Variants in CTNNA3 observed in about 807,000 individuals in gnomAD.
CTNNA3 encodes the protein catenin alpha-3.
A neutral mutation model predicts 95.7 loss-of-function variants in CTNNA3; 76 were observed. The ratio of observed to expected loss-of-function variants is 0.79; its 90% confidence interval spans 0.66 to 0.96. CTNNA3 has a LOEUF of 0.96. Among genes scored for constraint, CTNNA3 ranks in the 40% least tolerant of loss-of-function variants. The pLI, the probability that CTNNA3 is intolerant of heterozygous loss-of-function variation, is 0.00. For missense variants in CTNNA3, 1,191 were observed against 1,089.8 expected, an observed-to-expected ratio of 1.09 and a Z score of -1.31; for synonymous variants, 431 against 374.4, an observed-to-expected ratio of 1.15 and a Z score of -1.74.
intron 13 of CTNNA3, among the ~76,000 whole-genome samples, chr10:66,104,404 A>T (rs976544290): frequency 1.3e-5 from 2 of 152,230 alleles, no homozygotes; most frequent in Non-Finnish European, 2.9e-5. Flanking sequence ...AACAAGAATT[A>T]GCCTAGTATT....
intron 13 of CTNNA3, among the ~76,000 whole-genome samples, chr10:66,186,320 G>T (rs1015226046): frequency 1.3e-5 from 2 of 151,910 alleles, no homozygotes; most frequent in Non-Finnish European, 2.9e-5. Context: ...TAGAGAGAGA[G>T]AGATGAGTGT....
chr10:66,796,786 A>T (rs1173342179), intron 7 of CTNNA3, among the ~76,000 whole-genome samples: 3 of 152,102 alleles, frequency 2.0e-5, no homozygotes, highest in Admixed American at 6.6e-5. Context: ...TATATGAAAT[A>T]AACCTCAGCT....
chr10:67,149,738 A>G (rs1861010477), intron 7 of CTNNA3, among the ~76,000 whole-genome samples: 2 of 152,164 alleles, frequency 1.3e-5, no homozygotes, highest in Admixed American at 1.3e-4. Context: ...CACCAAATAA[A>G]TAAAAGTATA....
At chr10:67,605,901 C>G (rs1843257131) in intron 3 of CTNNA3, among the ~76,000 whole-genome samples, 1 of 152,210 alleles carries the variant, frequency 6.6e-6, no homozygotes. Context: ...GAACTCCTGA[C>G]CTCAGGCAAT....
At chr10:66,624,071 C>T (rs1282520842) in intron 9 of CTNNA3, among the ~76,000 whole-genome samples, 4 of 152,102 alleles carry the variant, frequency 2.6e-5, no homozygotes, top group African/African-American at 9.7e-5. Flanking sequence ...TGTATCTGCG[C>T]AAAATGTGGG....
intron 9 of CTNNA3, among the ~76,000 whole-genome samples, chr10:66,663,048 G>C (rs771584373): frequency 6.6e-6 from 1 of 152,012 alleles, no homozygotes; most frequent in Non-Finnish European, 1.5e-5. Context: ...TCCAGGAGCT[G>C]AATCCAATGG....
intron 7 of CTNNA3, among the ~76,000 whole-genome samples, chr10:67,002,353 A>G (rs1224615915): frequency 6.6e-6 from 1 of 152,178 alleles, no homozygotes; most frequent in African/African-American, 2.4e-5. Flanking sequence ...GTCATCTAGG[A>G]TCATTGTTTA....
chr10:66,228,617 T>C (rs555398005), intron 13 of CTNNA3, among the ~76,000 whole-genome samples: 1 of 152,226 alleles, frequency 6.6e-6, no homozygotes, highest in South Asian at 2.1e-4. Flanking sequence ...TACTTGTAGT[T>C]GTTGCATCAA....
intron 11 of CTNNA3, among the ~76,000 whole-genome samples, chr10:66,419,794 G>A (rs1230068075): frequency 1.3e-5 from 2 of 152,100 alleles, no homozygotes; most frequent in African/African-American, 4.8e-5. Context: ...GAAAACTGAG[G>A]TTTTCTTCAA....
At chr10:66,222,484 A>G (rs1317906636) in intron 13 of CTNNA3, among the ~76,000 whole-genome samples, 6 of 152,026 alleles carry the variant, frequency 3.9e-5, no homozygotes, top group Non-Finnish European at 2.9e-5. Flanking sequence ...ATTTATTAAA[A>G]AATATTTCAG....
intron 10 of CTNNA3, among the ~76,000 whole-genome samples, chr10:66,550,097 C>T (rs1246356467): frequency 5.9e-5 from 9 of 152,084 alleles, no homozygotes; most frequent in African/African-American, 1.9e-4. Context: ...TCAATTTATG[C>T]TCCATAAATT....
chr10:65,936,743 C>T (rs1235885182), intron 17 of CTNNA3, among the ~76,000 whole-genome samples: 1 of 152,022 alleles, frequency 6.6e-6, no homozygotes, highest in African/African-American at 2.4e-5. Context: ...ACTTATTAAA[C>T]AAGTGACCAT....
intron 7 of CTNNA3, among the ~76,000 whole-genome samples, chr10:66,903,126 C>T (rs1276332057): frequency 1.3e-5 from 2 of 152,114 alleles, no homozygotes; most frequent in African/African-American, 4.8e-5. Flanking sequence ...CAAAAATCCT[C>T]AATAAAATAC....
At chr10:66,564,719 A>T (rs1033539356) in intron 10 of CTNNA3, among the ~76,000 whole-genome samples, 3 of 152,192 alleles carry the variant, frequency 2.0e-5, no homozygotes, top group Non-Finnish European at 2.9e-5. Context: ...TCCTTGAAGG[A>T]CATAAAAGGT....
At chr10:67,006,668 TATG>T (rs1187485905) in intron 7 of CTNNA3, among the ~76,000 whole-genome samples, 2 of 152,210 alleles carry the variant, frequency 1.3e-5, no homozygotes, top group African/African-American at 4.8e-5. Context: ...CTTGAGTAAT[TATG>T]ATGCCATCAG....
rs185770906 is a variant in CTNNA3 at position 66,911,000 on chromosome 10, C to G, written c.1048-135476G>C. ...ATTCCACTGAGGCCTAACCAAATTTCAAACAAGAAGGAAGCAATAATTCTT... is the reference window on the plus strand; with the variant it reads ...ATTCCACTGAGGCCTAACCAAATTTGAAACAAGAAGGAAGCAATAATTCTT... On this transcript the variant is annotated intron_variant, in intron 7 of 17. Coordinates refer to ENST00000433211, the MANE Select transcript of CTNNA3 (RefSeq NM_013266.4). 2.6e-3 allele frequency among the ~76,000 whole-genome samples: 397 copies of G among 152,296 alleles called. 2 individuals are homozygous for G. Among genetic ancestry groups the G allele is most frequent in the African/African-American group, 9.2e-3 (382 of 41,574 alleles).
intron 9 of CTNNA3, among the ~76,000 whole-genome samples, chr10:66,679,168 A>C (rs893271204): frequency 2.0e-5 from 3 of 152,166 alleles, no homozygotes; most frequent in Non-Finnish European, 4.4e-5. Flanking sequence ...GAAATCATGA[A>C]ATCCTAGACT....
chr10:67,149,757 A>C (rs979149372), intron 7 of CTNNA3, among the ~76,000 whole-genome samples: 1 of 152,190 alleles, frequency 6.6e-6, no homozygotes, highest in African/African-American at 2.4e-5. Flanking sequence ...TATAAAATGC[A>C]TAGCTCAGTG....
chr10:67,393,393 T>A (rs1844587362), intron 5 of CTNNA3, among the ~76,000 whole-genome samples: 1 of 152,202 alleles, frequency 6.6e-6, no homozygotes, highest in Non-Finnish European at 1.5e-5. Context: ...TTTTGAAGAC[T>A]CATTTATGAT....
Sources: allele counts gnomAD v4.1 joint callset (sites outside exome capture counted in the v4.1 genomes callset), GRCh38; gene constraint gnomAD v4.1.1; transcripts MANE v1.5; gene names NCBI Gene and HGNC (gene_info 2026-07-23, HGNC 2026-07-21).